MGAT5B: variants seen among roughly 807,000 people sequenced by gnomAD.
MGAT5B encodes N-acetylglucosaminyl-transferase Vb.
In MGAT5B, 54 loss-of-function variants were observed where a neutral mutation model predicts 95.1. The ratio of observed to expected loss-of-function variants is 0.57; its 90% CI spans 0.46 to 0.71. The LOEUF (loss-of-function observed/expected upper bound fraction) is 0.71, where lower values mean the gene tolerates loss of function less well. Ranked by LOEUF, MGAT5B falls within the 30% of genes least tolerant of loss-of-function variation. The pLI is 0.00. For missense variants in MGAT5B, 935 were observed against 1,088.6 expected (o/e 0.86, Z 1.99); for synonymous variants, 464 against 451.0 (o/e 1.03, Z -0.36).
intron 8 of MGAT5B, among the ~76,000 whole-genome samples, chr17:76,913,257 A>G (rs113081828): frequency 0.022 from 3,348 of 152,272 alleles, 109 homozygotes; most frequent in African/African-American, 0.069. Context: ...CTCCCGCACA[A>G]TCCACTGTGA....
intron 3 of MGAT5B, among the ~76,000 whole-genome samples, chr17:76,890,247 G>A (rs950827066): frequency 1.3e-4 from 20 of 152,216 alleles, no homozygotes; most frequent in South Asian, 2.1e-4. Context: ...TTTCGGGGTC[G>A]GGAGACTCAC....
intron 8 of MGAT5B, among the ~76,000 whole-genome samples, chr17:76,910,938 A>G (rs1431259406): frequency 1.3e-5 from 2 of 152,244 alleles, no homozygotes; most frequent in Non-Finnish European, 2.9e-5. Flanking sequence ...AATACAATTT[A>G]AAAACAACTA....
chr17:76,927,731 G>A (rs1264820342), intron 10 of MGAT5B, among the ~76,000 whole-genome samples: 3 of 152,216 alleles, frequency 2.0e-5, no homozygotes, highest in Non-Finnish European at 4.4e-5. Context: ...TCTGGTTCAC[G>A]CTGCGCTCTT....
At chr17:76,926,857 C>G in intron 10 of MGAT5B, 127 bp downstream of exon 10, 1 of 1,194,658 alleles carries the variant, frequency 8.4e-7, no homozygotes, top group South Asian at 1.4e-5. Flanking sequence ...GTTGGTGGGA[C>G]CCAGCAAGCA....
At chr17:76,947,347 G>A (rs556157215) in intron 16 of MGAT5B, among the ~76,000 whole-genome samples, 72 of 152,196 alleles carry the variant, frequency 4.7e-4, no homozygotes, top group Non-Finnish European at 7.6e-4. Context: ...GTGAGGGTCA[G>A]GGCCGTGGCC....
At chr17:76,888,166 G>T (rs1051854138) in intron 3 of MGAT5B, among the ~76,000 whole-genome samples, 1 of 152,146 alleles carries the variant, frequency 6.6e-6, no homozygotes, top group African/African-American at 2.4e-5. Flanking sequence ...TTGTTTGGAA[G>T]AGAGGAGTCC....
At chr17:76,947,251 G>C (rs1298100282) in intron 16 of MGAT5B, among the ~76,000 whole-genome samples, 1 of 152,196 alleles carries the variant, frequency 6.6e-6, no homozygotes, top group Non-Finnish European at 1.5e-5. Context: ...CCAATATTAG[G>C]GGCTGAGAGA....
At position 76,930,792 on chromosome 17, in the gene MGAT5B, C is replaced by T. The variant is rs949546245; in HGVS notation, c.1292-1853C>T. Among the ~76,000 whole-genome samples, 1 of 152,124 alleles carries T rather than the reference C, an allele frequency of 6.6e-6. No individual in the cohort carries two copies. Among genetic ancestry groups the T allele is most frequent in the Non-Finnish European group, 1.5e-5 (1 of 68,038 alleles). ...CCTGCTGTAACAGAGACCTAACTGC[C>T]GCAGATGGGGCCACAAAGGGAGGCA... On this transcript the variant is annotated intron_variant, in intron 10 of 17. Transcript: ENST00000569840. This position sits in a 1 kb window ranked among gnomAD's most constrained non-coding sequence, Gnocchi z 4.1.
chr17:76,910,783 C>T (rs903549686), intron 8 of MGAT5B, among the ~76,000 whole-genome samples: 3 of 152,230 alleles, frequency 2.0e-5, no homozygotes, highest in African/African-American at 7.2e-5. Context: ...TGGGCAGGCC[C>T]AGGGCTGTGC....
rs1325469970 is a variant in MGAT5B, at chr17:76,940,453, A to G, written c.1636A>G (p.Ile546Val). 1 of 1,613,874 alleles carries G rather than the reference A, an allele frequency of 6.2e-7. No homozygotes were observed. Among genetic ancestry groups the G allele is most frequent in the East Asian group, 2.2e-5 (1 of 44,858 alleles). ...PYEGPAPLEA[I>V]ANGCIFLQSR... ...CGAGGGCCCCGCCCCCCTGGAGGCC[A>G]TCGCCAATGGTTGCATCTTCCTGCA... Residue 546 changes from isoleucine (I) to valine (V), a missense_variant, in exon 14 of 18, where the codon ATC (isoleucine) becomes GTC (valine). Ile to Val is a conservative substitution (Grantham distance 29). Transcript: ENST00000569840. The surrounding 1 kb of genome is among the most constrained non-coding windows in gnomAD (Gnocchi z 4.3).
chr17:76,926,741 C>T lies in MGAT5B; in HGVS notation c.1291+11C>T. The T allele has an allele frequency of 6.2e-7, 1 of 1,612,348 alleles. No homozygotes were observed. The highest frequency in any genetic ancestry group is 8.5e-7 in the Non-Finnish European group (1 of 1,179,712). ...TCATGACCATGTTTCGTGAGTGCCC[C>T]ACAGGGCAGGGGTGGGGTCGGAGGT... On this transcript the variant is annotated intron_variant, in intron 10 of 17. Coordinates refer to ENST00000569840, the MANE Select transcript of MGAT5B (RefSeq NM_001199172.2).
rs1367022376 is a variant in MGAT5B at position 76,869,961 on chromosome 17, C to T, written c.68+864C>T. On this transcript the variant is annotated intron_variant, in intron 1 of 17. Transcript: ENST00000569840. The surrounding 1 kb of genome is among the most constrained non-coding windows in gnomAD (Gnocchi z 7.0). ...GCAGCGGGGTGGGGAGGGGGCGCTG[C>T]CCAGTGGACGCCCGGCGGGGCCCGA... Among the ~76,000 whole-genome samples the T allele has an allele frequency of 6.6e-6, 1 of 152,174 alleles. No homozygotes were observed. The highest frequency in any genetic ancestry group is 2.4e-5 in the African/African-American group (1 of 41,450).
chr17:76,917,117 C>G lies in MGAT5B; in HGVS notation c.1026-7849C>G, dbSNP rs1241967735. On this transcript the variant is annotated intron_variant, in intron 8 of 17. Transcript: ENST00000569840. This position sits in a 1 kb window ranked among gnomAD's most constrained non-coding sequence, Gnocchi z 6.1. ...GTGACTCAGTGGCCAATTAAATGCT[C>G]TCAAGTCCGGGTTTAGTGTGAGGAT... 6.6e-6 allele frequency among the ~76,000 whole-genome samples: 1 copy of G among 152,214 alleles called. No individual in the cohort carries two copies. The highest frequency in any genetic ancestry group is 1.5e-5 in the Non-Finnish European group (1 of 68,032).
intron 2 of MGAT5B, among the ~76,000 whole-genome samples, chr17:76,878,700 C>A (rs1967289021): frequency 6.6e-6 from 1 of 152,154 alleles, no homozygotes; most frequent in African/African-American, 2.4e-5. Context: ...GTCTTGAACT[C>A]CCGAGCTCAA....
At chr17:76,936,238 C>A (rs1246779718) in intron 12 of MGAT5B, among the ~76,000 whole-genome samples, 1 of 152,092 alleles carries the variant, frequency 6.6e-6, no homozygotes, top group Non-Finnish European at 1.5e-5. Context: ...GAAATCCCAT[C>A]TCTACTAAAA....
intron 8 of MGAT5B, among the ~76,000 whole-genome samples, chr17:76,907,137 C>T (rs1266453693): frequency 3.3e-5 from 5 of 151,934 alleles, no homozygotes; most frequent in Admixed American, 6.5e-5. Flanking sequence ...CTGCAGCCTC[C>T]GCCTCCCGGG....
chr17:76,885,367 C>CGCAA (rs753595838), intron 3 of MGAT5B, among the ~76,000 whole-genome samples: 16 of 152,304 alleles, frequency 1.1e-4, no homozygotes, highest in Non-Finnish European at 1.5e-4. Context: ...AGCCTCTGTC[C>CGCAA]GCAGGCCTGT....
Position 76,917,623 on chromosome 17 carries a change from C to G in MGAT5B, c.1026-7343C>G, listed in dbSNP as rs730713. 0.13 allele frequency among the ~76,000 whole-genome samples: 20,018 copies of G among 152,100 alleles called. 1,506 individuals carry two copies. The highest frequency in any genetic ancestry group is 0.32 in the East Asian group (1,665 of 5,160). Reference sequence around the variant, plus strand: ...ATCCGAATCCAGGATGCAGGGGCTGCGTCTTAGCTTTTGGCCCTCATCTCC... The same window carrying G: ...ATCCGAATCCAGGATGCAGGGGCTGGGTCTTAGCTTTTGGCCCTCATCTCC... On this transcript the variant is annotated intron_variant, in intron 8 of 17. Coordinates refer to ENST00000569840, the MANE Select transcript of MGAT5B (RefSeq NM_001199172.2). This position sits in a 1 kb window ranked among gnomAD's most constrained non-coding sequence, Gnocchi z 6.1.
chr17:76,940,512 C>T lies in MGAT5B; in HGVS notation c.1695C>T (p.Asn565=), dbSNP rs767521227. Residue 565 remains asparagine, a synonymous_variant, in exon 14 of 18, where the codon AAC becomes AAT. Transcript: ENST00000569840. This position sits in a 1 kb window ranked among gnomAD's most constrained non-coding sequence, Gnocchi z 4.3. ...TCAGCCCGCCCCACAGCTCCCTCAA[C>T]CACGAGTTCTTCCGAGGCAAGCCCA... ...SRFSPPHSSL[N]HEFFRGKPTS... is the part of the protein sequence containing the mutation. The T allele has an allele frequency of 1.9e-6, 3 of 1,613,660 alleles. No individual in the cohort carries two copies. Among genetic ancestry groups the T allele is most frequent in the Admixed American group, 1.7e-5 (1 of 59,982 alleles).
Sources: gnomAD v4.1 joint callset for allele counts (sites outside exome capture counted in the v4.1 genomes callset) on GRCh38, gnomAD v4.1.1 for gene constraint, Gnocchi (gnomAD v3.1) non-coding constraint, MANE v1.5 for transcripts, NCBI Gene and HGNC (gene_info 2026-07-23, HGNC 2026-07-21) for gene names.